Variants in CORO1C observed in about 807,000 individuals in gnomAD.
The protein encoded by CORO1C is coronin 1C.
Under a neutral mutation model 51.2 loss-of-function variants are expected in CORO1C, and 14 were observed. The ratio of observed to expected loss-of-function variants is 0.27; its 90% confidence interval spans 0.18 to 0.43. The LOEUF (loss-of-function observed/expected upper bound fraction) is 0.43. Among genes scored for constraint, CORO1C ranks in the 20% least tolerant of loss-of-function variants. The probability of loss-of-function intolerance (pLI) is 1.00; values close to 1 mark genes in which losing one functional copy is unlikely to be tolerated. For synonymous variants in CORO1C, 181 were observed against 210.5 expected (o/e 0.86, Z 1.21); for missense variants, 417 against 607.8 (o/e 0.69, Z 3.30).
chr12:108,701,369 G>A, intron 1 of CORO1C, 46 bp from the exon 2 acceptor site: 2 of 1,611,574 alleles, frequency 1.2e-6, no homozygotes, highest in South Asian at 2.2e-5. Context: ...GCACCAAACT[G>A]AAAGCTTTAC....
chr12:108,674,551 T>TA (rs1436071855), intron 3 of CORO1C, among the ~76,000 whole-genome samples: 1 of 107,642 alleles, frequency 9.3e-6, no homozygotes, highest in Non-Finnish European at 1.9e-5. Context: ...CCGTCTCAAT[T>TA]TAAAAAAAAA....
chr12:108,712,951 TGA>T (rs2035225797), intron 1 of CORO1C, among the ~76,000 whole-genome samples: 1 of 149,424 alleles, frequency 6.7e-6, no homozygotes, highest in Admixed American at 6.7e-5. Context: ...TTTCCGAATA[TGA>T]GATAGCTGAG....
intron 2 of CORO1C, among the ~76,000 whole-genome samples, chr12:108,683,800 T>C (rs1479649629): frequency 6.6e-6 from 1 of 152,064 alleles, no homozygotes; most frequent in Non-Finnish European, 1.5e-5. Flanking sequence ...GCCCAGATGG[T>C]TTTACAGGTG....
intron 1 of CORO1C, among the ~76,000 whole-genome samples, chr12:108,711,263 G>A (rs575257587): frequency 7.2e-5 from 11 of 152,160 alleles, no homozygotes; most frequent in Non-Finnish European, 1.3e-4. Context: ...CCAGCTACTC[G>A]GGGAGCTGAG....
rs116339430 is a variant in CORO1C at position 108,709,575 on chromosome 12, T to A, written c.-5-8252A>T. Among the ~76,000 whole-genome samples, 1,415 of 152,304 alleles carry A rather than the reference T, an allele frequency of 9.3e-3. 26 individuals are homozygous for A. Among genetic ancestry groups the A allele is most frequent in the African/African-American group, 0.032 (1,345 of 41,562 alleles). On this transcript the variant is annotated intron_variant, in intron 1 of 10. Transcript: ENST00000261401. The stretch of plus-strand genomic sequence containing the variant: ...TTACCACTTTAAAAACTGTTCAGTT[T>A]TAACCTTTAAATTAAGATGGCATAT...
intron 2 of CORO1C, among the ~76,000 whole-genome samples, chr12:108,699,446 A>C (rs985215299): frequency 6.6e-6 from 1 of 152,216 alleles, no homozygotes; most frequent in African/African-American, 2.4e-5. Context: ...GAAGGAAAAA[A>C]AAAGTCTTAC....
chr12:108,681,583 C>T (rs2034125237), intron 2 of CORO1C, among the ~76,000 whole-genome samples: 1 of 152,106 alleles, frequency 6.6e-6, no homozygotes, highest in African/African-American at 2.4e-5. Flanking sequence ...AACCACCACC[C>T]TTGTATTCCA....
At chr12:108,668,105 C>T (rs2033560353) in intron 3 of CORO1C, among the ~76,000 whole-genome samples, 1 of 152,150 alleles carries the variant, frequency 6.6e-6, no homozygotes, top group Non-Finnish European at 1.5e-5. Context: ...CTAAGGAAAC[C>T]AATTCCAAAT....
At position 108,662,050 on chromosome 12, in the gene CORO1C, G is replaced by A. The variant is rs147020690; in HGVS notation, c.427C>T (p.Arg143Cys). Residue 143 changes from arginine to cysteine, a missense_variant, in exon 4 of 11, where the codon CGC (arginine) becomes TGC (cysteine). Arg to Cys is a radical substitution (Grantham distance 180). Transcript: ENST00000261401. ...CCACCTGCACTAAGAAGCACATTGC[G>A]GGCCGTTGGATGCCAAGCCACGATG... ...VGIVAWHPTA[R>C]NVLLSAGCDN... 26 of 1,614,038 alleles carry A rather than the reference G, an allele frequency of 1.6e-5. No individual in the cohort carries two copies. The highest frequency in any genetic ancestry group is 4.5e-5 in the East Asian group (2 of 44,890).
chr12:108,661,847 G>GCA (rs1312432687), intron 4 of CORO1C, among the ~76,000 whole-genome samples, 182 bp downstream of exon 4: 1 of 151,846 alleles, frequency 6.6e-6, no homozygotes, highest in African/African-American at 2.4e-5. Context: ...ACACACACGT[G>GCA]CACACACACA....
At chr12:108,674,434 G>A (rs146572610) in intron 3 of CORO1C, among the ~76,000 whole-genome samples, 8,810 of 152,082 alleles carry the variant, frequency 0.058, 513 homozygotes, top group East Asian at 0.32. Flanking sequence ...TGTAGTCCCA[G>A]CTACTCGGAG....
intron 2 of CORO1C, among the ~76,000 whole-genome samples, chr12:108,693,177 T>C (rs1005514797): frequency 1.3e-5 from 2 of 152,110 alleles, no homozygotes; most frequent in Non-Finnish European, 2.9e-5. Context: ...AAAATATACA[T>C]GTACAAATCA....
At chr12:108,687,571 G>A (rs2034340439) in intron 2 of CORO1C, among the ~76,000 whole-genome samples, 1 of 151,976 alleles carries the variant, frequency 6.6e-6, no homozygotes, top group Non-Finnish European at 1.5e-5. Context: ...GATCACTTGA[G>A]GTCAGGAGTT....
At chr12:108,657,257 A>G (rs746017615) in intron 6 of CORO1C, 47 bp downstream of exon 6, 96 of 1,598,132 alleles carry the variant, frequency 6.0e-5, no homozygotes, top group Non-Finnish European at 8.0e-5. Context: ...CTCAGAACAG[A>G]GAGAAAGCTC....
chr12:108,691,360 G>A (rs1234826414), intron 2 of CORO1C, among the ~76,000 whole-genome samples: 1 of 152,102 alleles, frequency 6.6e-6, no homozygotes, highest in East Asian at 1.9e-4. Flanking sequence ...GTGGCTTCTG[G>A]GCAAAACCGT....
At chr12:108,648,321 A>C (rs147485862) in intron 10 of CORO1C, among the ~76,000 whole-genome samples, 1 of 152,180 alleles carries the variant, frequency 6.6e-6, no homozygotes, top group African/African-American at 2.4e-5. Flanking sequence ...TCCTGTTCAC[A>C]CTGAGAGATA....
intron 2 of CORO1C, among the ~76,000 whole-genome samples, chr12:108,682,512 T>C (rs1477260004): frequency 6.6e-6 from 1 of 152,150 alleles, no homozygotes; most frequent in African/African-American, 2.4e-5. Flanking sequence ...AAACTGTAAT[T>C]CATCTAACCA....
At chr12:108,697,589 T>C (rs1487803112) in intron 2 of CORO1C, among the ~76,000 whole-genome samples, 4 of 152,114 alleles carry the variant, frequency 2.6e-5, no homozygotes, top group Non-Finnish European at 5.9e-5. Flanking sequence ...GTTGTAGGAG[T>C]CTCTTTTCCA....
At chr12:108,656,811 G>A (rs1592852695) in intron 6 of CORO1C, among the ~76,000 whole-genome samples, 4 of 152,176 alleles carry the variant, frequency 2.6e-5, no homozygotes, top group Admixed American at 6.5e-5. Context: ...GATTAAGGGC[G>A]GTGCAAGATG....
Sources: allele counts gnomAD v4.1 joint callset (sites outside exome capture counted in the v4.1 genomes callset), GRCh38; gene constraint gnomAD v4.1.1; transcripts MANE v1.5; gene names NCBI Gene and HGNC (gene_info 2026-07-23, HGNC 2026-07-21).